RHBDL3: variants seen among roughly 807,000 people sequenced by gnomAD.
The protein encoded by RHBDL3 is rhomboid like 3.
In RHBDL3, 28 loss-of-function variants were observed where a neutral mutation model predicts 48.2. The observed-to-expected ratio is 0.58, with a 90% CI of 0.43 to 0.80. The LOEUF (loss-of-function observed/expected upper bound fraction) is 0.80. RHBDL3 is among the 30% of genes least tolerant of loss of function. The probability of loss-of-function intolerance (pLI) is 0.00; values close to 1 mark genes in which losing one functional copy is unlikely to be tolerated. For synonymous variants in RHBDL3, 208 were observed against 232.3 expected (o/e 0.90, Z 0.95); for missense variants, 464 against 542.7 (o/e 0.85, Z 1.44).
At chr17:32,277,595 G>C (rs2039945505) in intron 2 of RHBDL3, among the ~76,000 whole-genome samples, 1 of 152,206 alleles carries the variant, frequency 6.6e-6, no homozygotes, top group Non-Finnish European at 1.5e-5. Flanking sequence ...CCTCAGGCTG[G>C]GCCTGGAGCC....
chr17:32,279,938 G>A (rs946246201), intron 2 of RHBDL3, among the ~76,000 whole-genome samples: 1 of 152,210 alleles, frequency 6.6e-6, no homozygotes, highest in Admixed American at 6.5e-5. Flanking sequence ...TAGATGGGCT[G>A]AGCGCCCCAG....
At chr17:32,316,671 T>A (rs2040982709) in intron 8 of RHBDL3, among the ~76,000 whole-genome samples, 1 of 151,722 alleles carries the variant, frequency 6.6e-6, no homozygotes, top group Non-Finnish European at 1.5e-5. Flanking sequence ...CATGTGTGGG[T>A]CCATGCCTGG....
At chr17:32,267,433 G>GGGC (rs2039662479) in intron 1 of RHBDL3, among the ~76,000 whole-genome samples, 6 of 145,900 alleles carry the variant, frequency 4.1e-5, no homozygotes, top group Admixed American at 1.4e-4. Context: ...GTTCTCCTGG[G>GGGC]GGGGGAGGGG....
At position 32,288,959 on chromosome 17, in the gene RHBDL3, T is replaced by G; in HGVS notation, c.462T>G (p.Tyr154Ter). 1.2e-6 allele frequency: 2 copies of G among 1,614,218 alleles called. No homozygotes were observed. The highest frequency in any genetic ancestry group is 1.7e-6 in the Non-Finnish European group (2 of 1,180,040). The change falls in exon 4 of 9, where the codon TAT becomes TAG. Residue 154 changes from tyrosine (Y) to a stop codon, truncating the protein, a stop_gained. Coordinates refer to ENST00000269051, the MANE Select transcript of RHBDL3 (RefSeq NM_138328.3). LOFTEE classifies it high-confidence loss of function. ...LPREIDRKWY[Y>*]DSYTCCPPPW... ...GGGAAATTGACCGCAAGTGGTACTA[T>G]GACAGCTACACCTGCTGCCCCCCAC...
chr17:32,311,400 GC>G (rs1018316396), intron 7 of RHBDL3, among the ~76,000 whole-genome samples: 2 of 152,182 alleles, frequency 1.3e-5, no homozygotes, highest in Non-Finnish European at 2.9e-5. Flanking sequence ...CCCCTCGGCT[GC>G]TGGGAGGCAG....
chr17:32,294,026 G>T (rs889221408), intron 4 of RHBDL3, among the ~76,000 whole-genome samples: 2 of 151,962 alleles, frequency 1.3e-5, no homozygotes, highest in Admixed American at 6.6e-5. Context: ...TACTCAGGAG[G>T]CTGAGGCAGG....
At chr17:32,319,035 C>T (rs1216306253) in intron 8 of RHBDL3, among the ~76,000 whole-genome samples, 1 of 151,668 alleles carries the variant, frequency 6.6e-6, no homozygotes, top group East Asian at 1.9e-4. Flanking sequence ...AGTGGGGTGG[C>T]AGTGGGTGTG....
chr17:32,276,851 A>G (rs2039922599), intron 2 of RHBDL3, among the ~76,000 whole-genome samples: 1 of 97,424 alleles, frequency 1.0e-5, no homozygotes, highest in Non-Finnish European at 1.8e-5. Flanking sequence ...CGGCCCTAGC[A>G]CCTTACTCCG....
At chr17:32,276,261 A>G (rs548150099) in intron 2 of RHBDL3, among the ~76,000 whole-genome samples, 3 of 151,916 alleles carry the variant, frequency 2.0e-5, no homozygotes, top group Admixed American at 2.0e-4. Flanking sequence ...AACAAAAAAA[A>G]TTGTGAAAGT....
intron 6 of RHBDL3, 80 bp from the exon 7 acceptor site, chr17:32,305,261 T>C: frequency 1.1e-6 from 1 of 919,060 alleles, no homozygotes; most frequent in Non-Finnish European, 1.8e-6. Context: ...GCACGGAGCC[T>C]GCAGAATCCA....
At position 32,309,539 on chromosome 17, in the gene RHBDL3, C is replaced by T. The variant is rs565914350; in HGVS notation, c.882+4098C>T. On this transcript the variant is annotated intron_variant, in intron 7 of 8. Coordinates refer to ENST00000269051, the MANE Select transcript of RHBDL3 (RefSeq NM_138328.3). ...TGCACTCCAACCTGGGCAACAAGAG[C>T]GAAACTCTGTCTCAAAAAAGAAAAG... 4.0e-5 allele frequency among the ~76,000 whole-genome samples: 6 copies of T among 151,554 alleles called. No individual in the cohort carries two copies. In the East Asian group the frequency reaches 5.9e-4, roughly 15 times the overall value.
intron 8 of RHBDL3, among the ~76,000 whole-genome samples, chr17:32,319,652 G>C (rs1455595303): frequency 1.3e-5 from 2 of 152,128 alleles, no homozygotes; most frequent in Admixed American, 1.3e-4. Context: ...GCAGGGCTCA[G>C]CCCAGAAGGC....
intron 6 of RHBDL3, among the ~76,000 whole-genome samples, chr17:32,305,050 G>A (rs1210219120): frequency 9.2e-5 from 14 of 151,996 alleles, no homozygotes; most frequent in African/African-American, 3.4e-4. Context: ...GAGCCCGGGG[G>A]TCAAGGCTGT....
intron 2 of RHBDL3, among the ~76,000 whole-genome samples, chr17:32,274,318 C>T (rs1301243478): frequency 1.3e-5 from 2 of 152,106 alleles, no homozygotes; most frequent in Non-Finnish European, 2.9e-5. Flanking sequence ...AGTGGTCTAT[C>T]GTGACACTGG....
At chr17:32,285,776 G>C (rs2040184124) in intron 3 of RHBDL3, among the ~76,000 whole-genome samples, 1 of 152,188 alleles carries the variant, frequency 6.6e-6, no homozygotes, top group Non-Finnish European at 1.5e-5. Flanking sequence ...AGAGTGAAAT[G>C]ACTTGTGTGA....
At chr17:32,304,343 A>T (rs2040658445) in intron 6 of RHBDL3, among the ~76,000 whole-genome samples, 1 of 152,196 alleles carries the variant, frequency 6.6e-6, no homozygotes, top group African/African-American at 2.4e-5. Flanking sequence ...ATGCTGTTGA[A>T]CAGAGGGAGA....
At chr17:32,293,782 T>C (rs1237354480) in intron 4 of RHBDL3, among the ~76,000 whole-genome samples, 1 of 142,752 alleles carries the variant, frequency 7.0e-6, no homozygotes, top group African/African-American at 2.7e-5. Context: ...CAGGACCATG[T>C]TGCGGCCATT....
Position 32,323,639 on chromosome 17 carries a change from C to G in RHBDL3, c.*2410C>G, listed in dbSNP as rs544906504. The G allele has an allele frequency of 1.3e-5, 2 of 152,280 alleles. No individual in the cohort carries two copies. The highest frequency in any genetic ancestry group is 1.9e-4 in the East Asian group (1 of 5,184). The allele number at this position is 152,280 out of a possible 1,614,324, so 9.4% of individuals were successfully genotyped here. On this transcript the variant is annotated 3_prime_UTR_variant, in exon 9 of 9. Transcript: ENST00000269051. The stretch of plus-strand genomic sequence containing the variant: ...AAATCCCTCATAGAAGCACTCAGCT[C>G]CCTCGGGGACTCCCAGGGAAGCTTG...
At chr17:32,285,133 A>G (rs2040164145) in intron 3 of RHBDL3, among the ~76,000 whole-genome samples, 1 of 139,096 alleles carries the variant, frequency 7.2e-6, no homozygotes, top group Non-Finnish European at 1.6e-5. Context: ...AGGGAGGGAG[A>G]GAGAGAGGGA....
Sources: allele counts gnomAD v4.1 joint callset (sites outside exome capture counted in the v4.1 genomes callset), GRCh38; gene constraint gnomAD v4.1.1; transcripts MANE v1.5; gene names NCBI Gene and HGNC (gene_info 2026-07-23, HGNC 2026-07-21).